The following SLC22A8 variants were observed in gnomAD, a reference collection of about 807,000 sequenced individuals.
SLC22A8 encodes the protein organic anion transporter 3.
In SLC22A8, 40 loss-of-function variants were observed where a neutral mutation model predicts 48.4. The observed-to-expected ratio is 0.83, with a 90% CI of 0.64 to 1.08. The LOEUF (loss-of-function observed/expected upper bound fraction) is 1.08. Among genes scored for constraint, SLC22A8 ranks in the 50% least tolerant of loss-of-function variants. SLC22A8 has a pLI of 0.00. For synonymous variants in SLC22A8, 268 were observed against 286.3 expected (o/e 0.94, Z 0.65); for missense variants, 606 against 699.0 (o/e 0.87, Z 1.50).
chr11:63,013,555 C>T (rs1271818830), intron 2 of SLC22A8, among the ~76,000 whole-genome samples: 4 of 152,188 alleles, frequency 2.6e-5, no homozygotes, highest in Non-Finnish European at 4.4e-5. Flanking sequence ...CATGAAGCCT[C>T]CCTTGAATCC....
rs565510431 is a variant in SLC22A8 at position 62,993,177 on chromosome 11, T to G, written c.*60A>C. On this transcript the variant is annotated 3_prime_UTR_variant, in exon 11 of 11. Transcript: ENST00000336232. ...GGACCTATATGGGGCCTCCCTATAC[T>G]CCTAAGGTGCCTGGCTAGGATCAGT... The G allele has an allele frequency of 7.3e-7, 1 of 1,366,492 alleles. No homozygotes were observed. The highest frequency in any genetic ancestry group is 2.3e-5 in the East Asian group (1 of 42,750). 84.6% of individuals were successfully genotyped at this position (1,366,492 alleles called of 1,614,324 possible).
rs2086668234 is a variant in SLC22A8, at chr11:63,015,822, G to C, written c.-119C>G. On this transcript the variant is annotated 5_prime_UTR_variant, in exon 1 of 11. Transcript: ENST00000336232. ...GGCCGGCAGCTGCTGTAGTAGGGCA[G>C]CTCAGCTCTAACAAGCTGTGTTTGT... The C allele has an allele frequency of 6.6e-6, 1 of 152,392 alleles. No individual in the cohort carries two copies. Among genetic ancestry groups the C allele is most frequent in the Admixed American group, 6.5e-5 (1 of 15,290 alleles). The allele number at this position is 152,392 out of a possible 1,614,324, so 9.4% of individuals were successfully genotyped here.
intron 3 of SLC22A8, among the ~76,000 whole-genome samples, chr11:63,000,043 T>G (rs1016144752): frequency 6.6e-6 from 1 of 152,208 alleles, no homozygotes; most frequent in Admixed American, 6.5e-5. Context: ...AGTTAATGAG[T>G]GATCTCCTCT....
At chr11:63,011,245 C>T (rs2086616186) in intron 2 of SLC22A8, among the ~76,000 whole-genome samples, 2 of 152,144 alleles carry the variant, frequency 1.3e-5, no homozygotes, top group South Asian at 4.1e-4. Context: ...ATGACCTGTC[C>T]CTCAGTTTCC....
At chr11:63,010,425 T>C (rs55880001) in intron 2 of SLC22A8, among the ~76,000 whole-genome samples, 10,013 of 152,258 alleles carry the variant, frequency 0.066, 1,126 homozygotes, top group African/African-American at 0.23. Flanking sequence ...CCCGCCTCTG[T>C]GTCAGAGACC....
chr11:63,000,001 C>T (rs2086472775), intron 3 of SLC22A8, among the ~76,000 whole-genome samples, 159 bp from the exon 4 acceptor site: 1 of 152,238 alleles, frequency 6.6e-6, no homozygotes, highest in African/African-American at 2.4e-5. Context: ...TTGGTAATTG[C>T]TATTTTTGAC....
chr11:63,014,278 TAC>T (rs1025993440), intron 2 of SLC22A8, among the ~76,000 whole-genome samples: 98 of 152,328 alleles, frequency 6.4e-4, no homozygotes, highest in African/African-American at 2.3e-3. Context: ...GTTGCAATTT[TAC>T]ACTTATTTGT....
chr11:62,996,586 C>A (rs1348742205), intron 5 of SLC22A8, among the ~76,000 whole-genome samples: 2 of 152,194 alleles, frequency 1.3e-5, no homozygotes, highest in African/African-American at 4.8e-5. Flanking sequence ...GCTGCAGCCA[C>A]AGGGCAGCTT....
At chr11:62,997,833 G>A (rs534089749) in intron 5 of SLC22A8, among the ~76,000 whole-genome samples, 1 of 152,358 alleles carries the variant, frequency 6.6e-6, no homozygotes, top group Admixed American at 6.5e-5. Context: ...ATGAGGATCA[G>A]AGACGACGTA....
intron 2 of SLC22A8, among the ~76,000 whole-genome samples, chr11:63,004,558 C>G (rs2086533768): frequency 6.6e-6 from 1 of 152,200 alleles, no homozygotes; most frequent in Non-Finnish European, 1.5e-5. Flanking sequence ...GTTATCTTCT[C>G]AGTGAGACCT....
intron 2 of SLC22A8, among the ~76,000 whole-genome samples, chr11:63,001,541 A>C (rs2086495006): frequency 6.6e-6 from 1 of 152,168 alleles, no homozygotes; most frequent in Non-Finnish European, 1.5e-5. Flanking sequence ...CCTCTGGCAG[A>C]TGTGGATGCT....
At chr11:62,994,376 C>T in intron 8 of SLC22A8, 166 bp downstream of exon 8, 1 of 616,754 alleles carries the variant, frequency 1.6e-6, no homozygotes, top group Non-Finnish European at 2.9e-6. Flanking sequence ...TTCATGTCAT[C>T]TAGCCCAATT....
At chr11:63,009,215 G>T (rs1404185374) in intron 2 of SLC22A8, among the ~76,000 whole-genome samples, 2 of 152,026 alleles carry the variant, frequency 1.3e-5, no homozygotes, top group African/African-American at 4.8e-5. Flanking sequence ...GGCAACTGGG[G>T]ACTGGGGATT....
chr11:63,011,638 A>G (rs187174205), intron 2 of SLC22A8, among the ~76,000 whole-genome samples: 12 of 152,262 alleles, frequency 7.9e-5, no homozygotes, highest in Non-Finnish European at 1.2e-4. Flanking sequence ...CCTTCCTGGT[A>G]TCTATTCTGA....
At position 62,995,830 on chromosome 11, in the gene SLC22A8, A is replaced by C; in HGVS notation, c.886-11T>G. 6.2e-7 allele frequency: 1 copy of C among 1,600,706 alleles called. No homozygotes were observed. The highest frequency in any genetic ancestry group is 8.6e-7 in the Non-Finnish European group (1 of 1,167,836). ...GTTGAGTTTGAGCTCCTTCGGGCAGAGGAGGGGGAGGGGTGCCATTAATGA... is the reference window on the plus strand; with the variant it reads ...GTTGAGTTTGAGCTCCTTCGGGCAGCGGAGGGGGAGGGGTGCCATTAATGA... On this transcript the variant is annotated splice_polypyrimidine_tract_variant and intron_variant, in intron 6 of 10. Coordinates refer to ENST00000336232, the MANE Select transcript of SLC22A8 (RefSeq NM_004254.4).
intron 2 of SLC22A8, among the ~76,000 whole-genome samples, chr11:63,007,673 G>A (rs777427416): frequency 9.2e-5 from 14 of 152,098 alleles, no homozygotes; most frequent in African/African-American, 1.4e-4. Context: ...GAATGTAGCC[G>A]AGCCCCAAGG....
intron 8 of SLC22A8, chr11:62,994,102 T>C (rs2086379478): frequency 1.7e-6 from 1 of 580,704 alleles, no homozygotes; most frequent in African/African-American, 1.9e-5. Flanking sequence ...GTTCTTGTTC[T>C]TGTCTTAAAA....
chr11:62,996,601 G>A (rs2086423559), intron 5 of SLC22A8, among the ~76,000 whole-genome samples: 1 of 152,202 alleles, frequency 6.6e-6, no homozygotes, highest in Non-Finnish European at 1.5e-5. Flanking sequence ...CAGCTTGGGA[G>A]GGGGATGGAG....
Position 62,999,772 on chromosome 11 carries a change from T to C in SLC22A8, c.508A>G (p.Ser170Gly). 1.2e-6 allele frequency: 2 copies of C among 1,607,390 alleles called. No homozygotes were observed. Among genetic ancestry groups the C allele is most frequent in the Non-Finnish European group, 1.7e-6 (2 of 1,176,758 alleles). The change falls in exon 4 of 11, where the codon AGC (serine) becomes GGC (glycine). Residue 170 changes from serine to glycine, a missense_variant. Physicochemically the swap from Ser to Gly is moderately conservative, Grantham distance 56. Coordinates refer to ENST00000336232, the MANE Select transcript of SLC22A8 (RefSeq NM_004254.4). ...ACCATGTAGATGGGGAAGGTGGGGC[T>C]GAAGGCTGCACCGGAGCCGCTGGCT... is the stretch of plus-strand genomic sequence containing the variant. ...LAASGSGAAF[S>G]PTFPIYMVFR...
Sources: gnomAD v4.1 joint callset for allele counts (sites outside exome capture counted in the v4.1 genomes callset) on GRCh38, gnomAD v4.1.1 for gene constraint, MANE v1.5 for transcripts, NCBI Gene and HGNC (gene_info 2026-07-23, HGNC 2026-07-21) for gene names.